The following TECRL variants were observed in gnomAD, a reference collection of about 807,000 sequenced individuals.
TECRL encodes trans-2,3-enoyl-CoA reductase-like.
Under a neutral mutation model 52.8 loss-of-function variants are expected in TECRL, and 63 were observed. The observed-to-expected ratio is 1.19, with a 90% confidence interval of 0.97 to 1.47. The LOEUF is 1.47. Among genes scored for constraint, TECRL ranks in the 40% most tolerant of loss-of-function variants. The pLI is 0.00. For synonymous variants in TECRL, 164 were observed against 141.9 expected (o/e 1.16, Z -1.10); for missense variants, 482 against 429.6 (o/e 1.12, Z -1.08).
rs1411497864 is a variant in TECRL at position 64,390,631 on chromosome 4, AG to A, written c.235-15409del. On this transcript the variant is annotated intron_variant, in intron 1 of 11. Transcript: ENST00000381210. ...TTATTGTACATTATTGATTATTTGG[AG>A]TCATTGCTTACTTTAAACTGAGCAG... 9.9e-5 allele frequency among the ~76,000 whole-genome samples: 15 copies of A among 151,762 alleles called. No individual in the cohort carries two copies. The Admixed American group carries it at 9.9e-4, about 10-fold the overall frequency.
chr4:64,284,176 T>G (rs1258634068), intron 9 of TECRL, among the ~76,000 whole-genome samples: 1 of 151,926 alleles, frequency 6.6e-6, no homozygotes. Context: ...GGAGTAAATA[T>G]CCCTCTAAGA....
intron 9 of TECRL, among the ~76,000 whole-genome samples, chr4:64,287,617 A>C (rs758762290): frequency 3.3e-4 from 51 of 152,282 alleles, no homozygotes; most frequent in Non-Finnish European, 5.3e-4. Flanking sequence ...AAACTTTTTC[A>C]AATATACAGG....
Position 64,369,865 on chromosome 4 carries a change from T to C in TECRL, c.286+5307A>G, listed in dbSNP as rs530875314. On this transcript the variant is annotated intron_variant, in intron 2 of 11. Coordinates refer to ENST00000381210, the MANE Select transcript of TECRL (RefSeq NM_001010874.5). The stretch of plus-strand genomic sequence containing the variant: ...TAGTATTATAAATGTTAATGCAAAG[T>C]AGAGTAGGACATGTAGTGATGTTAT... Among the ~76,000 whole-genome samples the C allele has an allele frequency of 7.2e-5, 11 of 152,014 alleles. No individual in the cohort carries two copies. The East Asian group carries it at 1.2e-3, about 16-fold the overall frequency.
chr4:64,281,461 A>G lies in TECRL; in HGVS notation c.918+13T>C, dbSNP rs1427409019. 1.3e-6 allele frequency: 2 copies of G among 1,503,412 alleles called. No individual in the cohort carries two copies. Among genetic ancestry groups the G allele is most frequent in the Admixed American group, 1.8e-5 (1 of 54,812 alleles). The allele number at this position is 1,503,412 out of a possible 1,614,324, so 93.1% of individuals were successfully genotyped here. On this transcript the variant is annotated intron_variant, in intron 10 of 11. Transcript: ENST00000381210. ...GAATAGGATTCAAGCATTTACATAC[A>G]TAAATAACATACCTCATAGGTGTAG...
intron 2 of TECRL, among the ~76,000 whole-genome samples, chr4:64,374,068 T>TATGTATATAGTAGATAC (rs1722192167): frequency 3.1e-5 from 3 of 96,442 alleles, no homozygotes; most frequent in African/African-American, 1.2e-4. Context: ...TATATATATA[T>TATGTATATAGTAGATAC]ATATATATAT....
chr4:64,299,875 TATC>T (rs1723908936), intron 8 of TECRL, 96 bp downstream of exon 8: 13 of 488,972 alleles, frequency 2.7e-5, no homozygotes, highest in Admixed American at 1.6e-4. Context: ...TATAAATATA[TATC>T]ATATTTTCTA....
rs907968644 is a variant in TECRL, at chr4:64,293,612, G to A, written c.775-3845C>T. 4.5e-4 allele frequency among the ~76,000 whole-genome samples: 69 copies of A among 151,950 alleles called. 1 individual carries two copies. Among genetic ancestry groups the A allele is most frequent in the Non-Finnish European group, 1.0e-4 (7 of 68,002 alleles). On this transcript the variant is annotated intron_variant, in intron 8 of 11. Transcript: ENST00000381210. ...CCAATTACCAATGACTAAAGCAAGG[G>A]GTCGAGGGAGGACAGCTTGCAATGA...
intron 2 of TECRL, among the ~76,000 whole-genome samples, chr4:64,338,081 G>C (rs549261983): frequency 1.3e-5 from 2 of 152,252 alleles, no homozygotes; most frequent in Non-Finnish European, 2.9e-5. Flanking sequence ...TACCAAAAGA[G>C]AGATATAGAC....
At chr4:64,368,553 G>T (rs532547771) in intron 2 of TECRL, among the ~76,000 whole-genome samples, 1 of 152,136 alleles carries the variant, frequency 6.6e-6, no homozygotes, top group African/African-American at 2.4e-5. Context: ...CTTGGCCTCC[G>T]AAAGTGCTGG....
In TECRL at chr4:64,279,752, A is replaced by G. The variant is rs1722723703; in HGVS notation, c.*320T>C. ...CAGATCGCTTTTTCATTTGTTAATC[A>G]GATTTTTTTTTTTGCTGTGGTATTT... On this transcript the variant is annotated 3_prime_UTR_variant, in exon 12 of 12. Transcript: ENST00000381210. The G allele has an allele frequency of 5.9e-6, 5 of 843,288 alleles. No homozygotes were observed. In the South Asian group the frequency reaches 3.0e-4, roughly 50 times the overall value. 52.2% of individuals were successfully genotyped at this position (843,288 alleles called of 1,614,324 possible).
intron 1 of TECRL, among the ~76,000 whole-genome samples, chr4:64,385,125 A>G (rs908562938): frequency 5.9e-5 from 9 of 152,000 alleles, no homozygotes; most frequent in African/African-American, 2.2e-4. Context: ...TTCCTGCACA[A>G]TCCTCATAGA....
intron 4 of TECRL, among the ~76,000 whole-genome samples, chr4:64,320,270 T>A (rs1227483379): frequency 2.6e-5 from 4 of 151,956 alleles, no homozygotes; most frequent in African/African-American, 9.7e-5. Context: ...AAAATCTTAA[T>A]TTTAACCTTG....
intron 2 of TECRL, among the ~76,000 whole-genome samples, chr4:64,372,339 A>ATG (rs1217138928): frequency 6.6e-6 from 1 of 151,818 alleles, no homozygotes; most frequent in East Asian, 1.9e-4. Context: ...ATTTGTTTGT[A>ATG]TGTGTATGCA....
intron 2 of TECRL, among the ~76,000 whole-genome samples, chr4:64,345,542 GC>G (rs1430251823): frequency 1.7e-5 from 2 of 117,912 alleles, no homozygotes; most frequent in Non-Finnish European, 3.3e-5. Flanking sequence ...ACACACCGGG[GC>G]CTGTTGTGGG....
At chr4:64,300,846 T>C (rs1723978117) in intron 7 of TECRL, among the ~76,000 whole-genome samples, 1 of 151,044 alleles carries the variant, frequency 6.6e-6, no homozygotes, top group Non-Finnish European at 1.5e-5. Flanking sequence ...GGTAATTGAA[T>C]CTTCATAATA....
At chr4:64,308,144 T>C (rs1451509618) in intron 6 of TECRL, among the ~76,000 whole-genome samples, 1 of 152,052 alleles carries the variant, frequency 6.6e-6, no homozygotes, top group Non-Finnish European at 1.5e-5. Context: ...TAGGGGCTGA[T>C]TAGGCAGATA....
chr4:64,333,813 G>A (rs1284004276), intron 2 of TECRL, among the ~76,000 whole-genome samples: 1 of 126,490 alleles, frequency 7.9e-6, no homozygotes, highest in East Asian at 2.0e-4. Context: ...GAGGTCAGGA[G>A]ATCGAGACCA....
chr4:64,374,367 A>C lies in TECRL; in HGVS notation c.286+805T>G, dbSNP rs116427766. On this transcript the variant is annotated intron_variant, in intron 2 of 11. Transcript: ENST00000381210. ...TTTTTTTCTTTATGGGAAGGTTTTT[A>C]TTCATAGATTCTTTTTTAATGTTTT... Among the ~76,000 whole-genome samples the C allele has an allele frequency of 7.0e-3, 1,055 of 150,832 alleles. 5 individuals carry two copies. Among genetic ancestry groups the C allele is most frequent in the Middle Eastern group, 0.031 (9 of 290 alleles).
chr4:64,369,507 A>G (rs1721839115), intron 2 of TECRL, among the ~76,000 whole-genome samples: 1 of 152,098 alleles, frequency 6.6e-6, no homozygotes, highest in Non-Finnish European at 1.5e-5. Context: ...AACCTTTCTC[A>G]AGTAAAATAA....
Sources: allele counts gnomAD v4.1 joint callset (sites outside exome capture counted in the v4.1 genomes callset), GRCh38; gene constraint gnomAD v4.1.1; transcripts MANE v1.5; gene names NCBI Gene and HGNC (gene_info 2026-07-23, HGNC 2026-07-21).